The following DAB1 variants were observed in gnomAD, a reference collection of about 807,000 sequenced individuals.
The protein encoded by DAB1 is disabled homolog 1.
In DAB1, 15 loss-of-function variants were observed where a neutral mutation model predicts 64.6. The observed-to-expected ratio is 0.23, with a 90% CI of 0.16 to 0.36. The LOEUF (loss-of-function observed/expected upper bound fraction) is 0.36. Among genes scored for constraint, DAB1 ranks in the 10% least tolerant of loss-of-function variants. The pLI is 1.00. For missense variants in DAB1, 596 were observed against 706.7 expected (o/e 0.84, Z 1.78); for synonymous variants, 235 against 251.9 (o/e 0.93, Z 0.64).
At chr1:58,238,472 G>T (rs1660148172) in intron 4 of DAB1, among the ~76,000 whole-genome samples, 3 of 152,192 alleles carry the variant, frequency 2.0e-5, no homozygotes, top group Admixed American at 1.3e-4. Context: ...ATGGAGTCCA[G>T]AGGAGAGGAC....
intron 4 of DAB1, among the ~76,000 whole-genome samples, chr1:58,161,646 G>GTA (rs1025196544): frequency 6.6e-5 from 10 of 152,054 alleles, no homozygotes; most frequent in African/African-American, 2.4e-4. Context: ...AGACATATAT[G>GTA]TATATATATA....
chr1:57,044,907 G>A (rs369609629), intron 9 of DAB1, among the ~76,000 whole-genome samples: 7 of 152,310 alleles, frequency 4.6e-5, no homozygotes, highest in African/African-American at 1.7e-4. Flanking sequence ...AACTTCCTCT[G>A]TATGAACCAG....
intron 1 of DAB1, among the ~76,000 whole-genome samples, chr1:58,529,000 A>C (rs1410116292): frequency 6.6e-6 from 1 of 152,242 alleles, no homozygotes. Flanking sequence ...CCATTATAAA[A>C]AAAAGCAATC....
intron 2 of DAB1, among the ~76,000 whole-genome samples, chr1:57,254,168 G>A (rs979446741): frequency 1.3e-5 from 2 of 152,152 alleles, no homozygotes; most frequent in African/African-American, 2.4e-5. Context: ...GCTTCCTAAC[G>A]GTTTCCAAAT....
chr1:57,097,811 T>TCTGTC (rs1237363092), intron 4 of DAB1, among the ~76,000 whole-genome samples: 2 of 151,984 alleles, frequency 1.3e-5, no homozygotes, highest in East Asian at 3.9e-4. Context: ...AGAGTCTCAC[T>TCTGTC]CTGTGGCACA....
chr1:57,441,272 CTCTTTCTTTCTTTCTTTCTTTCTT>C (rs60171938), intron 7 of DAB1, among the ~76,000 whole-genome samples: 8,723 of 72,252 alleles, frequency 0.12, 497 homozygotes, highest in Middle Eastern at 0.18. Context: ...TTCTTTCTTT[CTCTTTCTTTCTTTCTTTCTTTCTT>C]TCTTTCTTTC....
intron 1 of DAB1, among the ~76,000 whole-genome samples, chr1:57,367,480 A>G (rs1034307027): frequency 2.6e-5 from 4 of 152,180 alleles, no homozygotes; most frequent in Non-Finnish European, 5.9e-5. Context: ...TGTAAAATGA[A>G]GGCAGTAACA....
intron 6 of DAB1, among the ~76,000 whole-genome samples, chr1:57,731,820 A>G (rs577566277): frequency 7.0e-4 from 107 of 152,094 alleles, no homozygotes; most frequent in Admixed American, 1.2e-3. Flanking sequence ...AAAAATAATA[A>G]TAATAATTGA....
intron 7 of DAB1, among the ~76,000 whole-genome samples, chr1:57,461,218 T>C (rs1243374555): frequency 6.6e-6 from 1 of 152,170 alleles, no homozygotes; most frequent in Non-Finnish European, 1.5e-5. Flanking sequence ...TTGGTCAACG[T>C]CTTTATTTTG....
chr1:58,059,756 C>G (rs1192984413), intron 5 of DAB1, among the ~76,000 whole-genome samples: 3 of 152,216 alleles, frequency 2.0e-5, no homozygotes, highest in African/African-American at 7.2e-5. Flanking sequence ...GCCCAATAAC[C>G]TCATGGAGTA....
intron 5 of DAB1, among the ~76,000 whole-genome samples, chr1:58,035,692 G>A (rs1357018181): frequency 6.6e-6 from 1 of 152,224 alleles, no homozygotes; most frequent in Non-Finnish European, 1.5e-5. Flanking sequence ...AGACTATGTA[G>A]TCTAAGAGAA....
chr1:57,614,754 C>T (rs551137385), intron 7 of DAB1, among the ~76,000 whole-genome samples: 3 of 152,002 alleles, frequency 2.0e-5, no homozygotes, highest in South Asian at 2.1e-4. Context: ...CTAGGGCTAG[C>T]GACCACTGGT....
At chr1:58,429,636 TAGAGAG>T (rs1302069130) in intron 3 of DAB1, among the ~76,000 whole-genome samples, 1 of 151,634 alleles carries the variant, frequency 6.6e-6, no homozygotes, top group Non-Finnish European at 1.5e-5. Context: ...AGTTTATAGA[TAGAGAG>T]AGAGAAAGCA....
intron 6 of DAB1, among the ~76,000 whole-genome samples, chr1:57,724,425 C>T (rs2101763621): frequency 6.6e-6 from 1 of 152,190 alleles, no homozygotes; most frequent in African/African-American, 2.4e-5. Flanking sequence ...TGCCCTTAGT[C>T]ACTGGGAAAA....
intron 7 of DAB1, among the ~76,000 whole-genome samples, chr1:57,439,755 G>A (rs1685865904): frequency 6.6e-6 from 1 of 151,974 alleles, no homozygotes. Flanking sequence ...ATGTAATGAA[G>A]TTGTGAATGA....
chr1:57,761,582 T>C (rs1649089400), intron 6 of DAB1, among the ~76,000 whole-genome samples: 1 of 152,198 alleles, frequency 6.6e-6, no homozygotes, highest in Admixed American at 6.5e-5. Flanking sequence ...GAAGAGGGCA[T>C]TGTCTTTCTC....
chr1:57,863,923 T>C (rs551314644), intron 1 of DAB1, among the ~76,000 whole-genome samples: 2 of 152,308 alleles, frequency 1.3e-5, no homozygotes, highest in South Asian at 2.1e-4. Flanking sequence ...TCCCAATTTA[T>C]GCCAGAGACT....
intron 5 of DAB1, among the ~76,000 whole-genome samples, chr1:58,083,135 G>C (rs1244874707): frequency 1.3e-5 from 2 of 152,120 alleles, no homozygotes; most frequent in Non-Finnish European, 2.9e-5. Flanking sequence ...CTGGGTGTGA[G>C]AGGTATTTAT....
At chr1:57,986,508 C>A (rs1646222520) in intron 5 of DAB1, among the ~76,000 whole-genome samples, 1 of 152,158 alleles carries the variant, frequency 6.6e-6, no homozygotes. Flanking sequence ...TTCTAAGCCA[C>A]CCAGTCTATG....
Sources: gnomAD v4.1 joint callset for allele counts (sites outside exome capture counted in the v4.1 genomes callset) on GRCh38, gnomAD v4.1.1 for gene constraint, MANE v1.5 for transcripts, NCBI Gene and HGNC (gene_info 2026-07-23, HGNC 2026-07-21) for gene names.